The following BRINP2 variants were observed in gnomAD, a reference collection of about 807,000 sequenced individuals.
BRINP2 encodes the protein BMP/retinoic acid-inducible neural-specific protein 2.
In BRINP2, 21 loss-of-function variants were observed where a neutral mutation model predicts 69.2. That is an observed-to-expected ratio of 0.30 (90% CI 0.22 to 0.44). BRINP2 has a LOEUF of 0.44. BRINP2 is among the 20% of genes least tolerant of loss of function. BRINP2 has a pLI of 1.00. For missense variants in BRINP2, 877 were observed against 986.0 expected, an observed-to-expected ratio of 0.89 and a Z score of 1.48; for synonymous variants, 380 against 394.1, an observed-to-expected ratio of 0.96 and a Z score of 0.42.
At chr1:177,224,570 T>A (rs973649008) in intron 1 of BRINP2, among the ~76,000 whole-genome samples, 2 of 151,970 alleles carry the variant, frequency 1.3e-5, no homozygotes, top group Non-Finnish European at 2.9e-5. Context: ...GGGAGCCAAC[T>A]TGTAAGTGGC....
chr1:177,200,658 T>C (rs543931514), intron 1 of BRINP2, among the ~76,000 whole-genome samples: 1 of 152,304 alleles, frequency 6.6e-6, no homozygotes, highest in East Asian at 1.9e-4. Flanking sequence ...ACCTATTTCT[T>C]GAGTACTCTA....
At chr1:177,265,581 T>C (rs984393790) in intron 4 of BRINP2, among the ~76,000 whole-genome samples, 5 of 152,198 alleles carry the variant, frequency 3.3e-5, no homozygotes, top group Non-Finnish European at 7.3e-5. Flanking sequence ...TATTGCTCCC[T>C]GCCTAAAATG....
chr1:177,182,727 A>G (rs1648298287), intron 1 of BRINP2, among the ~76,000 whole-genome samples: 1 of 152,216 alleles, frequency 6.6e-6, no homozygotes, highest in African/African-American at 2.4e-5. Context: ...ACTTGGGTTC[A>G]AGTCTTTGGC....
chr1:177,172,253 AC>A (rs1483036127), intron 1 of BRINP2, among the ~76,000 whole-genome samples: 1 of 152,094 alleles, frequency 6.6e-6, no homozygotes. Flanking sequence ...CAAACAGTGA[AC>A]CCTGTAGGTT....
rs374683598 is a variant in BRINP2, at chr1:177,214,584, T to C, written c.-76-15217T>C. ...TTCCTGAATGCCAAGTACCCTTCATTTGGCACCAACACCAGGAGTGGGGAT... is the reference window on the plus strand; with the variant it reads ...TTCCTGAATGCCAAGTACCCTTCATCTGGCACCAACACCAGGAGTGGGGAT... On this transcript the variant is annotated intron_variant, in intron 1 of 7. Transcript: ENST00000361539. 2.8e-4 allele frequency among the ~76,000 whole-genome samples: 43 copies of C among 152,276 alleles called. 1 individual carries two copies. The South Asian group carries it at 7.7e-3, about 27-fold the overall frequency.
intron 4 of BRINP2, among the ~76,000 whole-genome samples, chr1:177,266,916 C>T (rs1375197825): frequency 6.6e-6 from 1 of 152,112 alleles, no homozygotes; most frequent in African/African-American, 2.4e-5. Flanking sequence ...TGTATGTCAG[C>T]TAACATGATG....
At chr1:177,278,873 G>C (rs1651600091) in intron 7 of BRINP2, 88 bp downstream of exon 7, 1 of 1,304,690 alleles carries the variant, frequency 7.7e-7, no homozygotes, top group Non-Finnish European at 1.1e-6. Flanking sequence ...CCAATGTAGG[G>C]GATCAGGGAG....
chr1:177,255,095 A>C (rs2102345616), intron 2 of BRINP2, among the ~76,000 whole-genome samples: 1 of 152,356 alleles, frequency 6.6e-6, no homozygotes, highest in African/African-American at 2.4e-5. Context: ...CTAACCTTTA[A>C]GAAACTACCA....
intron 2 of BRINP2, among the ~76,000 whole-genome samples, chr1:177,235,000 A>T (rs974699415): frequency 1.3e-5 from 2 of 152,208 alleles, no homozygotes; most frequent in Non-Finnish European, 2.9e-5. Context: ...ATCAGGATAA[A>T]CAATAAGACT....
chr1:177,254,845 C>T (rs771233792), intron 2 of BRINP2, among the ~76,000 whole-genome samples: 7 of 152,092 alleles, frequency 4.6e-5, no homozygotes, highest in African/African-American at 1.2e-4. Context: ...TATTTAAAGA[C>T]GTTGAAGAGA....
chr1:177,259,207 G>C (rs1362740900), intron 4 of BRINP2, among the ~76,000 whole-genome samples: 2 of 152,152 alleles, frequency 1.3e-5, no homozygotes, highest in African/African-American at 4.8e-5. Context: ...AAGTTTGAGT[G>C]GTCTGGATAG....
chr1:177,240,011 G>A (rs915776940), intron 2 of BRINP2, among the ~76,000 whole-genome samples: 3 of 152,228 alleles, frequency 2.0e-5, no homozygotes, highest in African/African-American at 7.2e-5. Flanking sequence ...ATCAGAGTGA[G>A]TAAGAAGTCT....
chr1:177,280,106 G>A (rs1651642024), intron 7 of BRINP2, among the ~76,000 whole-genome samples: 1 of 152,164 alleles, frequency 6.6e-6, no homozygotes, highest in Non-Finnish European at 1.5e-5. Context: ...CACAAAAGAT[G>A]CTGGAGATCC....
At chr1:177,175,160 G>A (rs1430648620) in intron 1 of BRINP2, among the ~76,000 whole-genome samples, 4 of 152,228 alleles carry the variant, frequency 2.6e-5, no homozygotes, top group Non-Finnish European at 4.4e-5. Flanking sequence ...TTAGCAGCGA[G>A]CAGGAGATTT....
At chr1:177,198,908 G>T (rs1648823206) in intron 1 of BRINP2, among the ~76,000 whole-genome samples, 1 of 152,136 alleles carries the variant, frequency 6.6e-6, no homozygotes, top group Non-Finnish European at 1.5e-5. Context: ...ACCTGTCTCA[G>T]TCATTTCTCA....
chr1:177,269,192 C>G (rs1651229160), intron 4 of BRINP2, among the ~76,000 whole-genome samples: 1 of 152,214 alleles, frequency 6.6e-6, no homozygotes, highest in South Asian at 2.1e-4. Context: ...ACTAGGGCTG[C>G]CATCCCTTCT....
chr1:177,211,441 T>A (rs1471518989), intron 1 of BRINP2, among the ~76,000 whole-genome samples: 1 of 152,222 alleles, frequency 6.6e-6, no homozygotes, highest in East Asian at 1.9e-4. Flanking sequence ...ACATTGCACG[T>A]ACTTGTCATG....
intron 2 of BRINP2, among the ~76,000 whole-genome samples, chr1:177,236,684 C>T (rs1161172658): frequency 6.6e-6 from 1 of 152,146 alleles, no homozygotes; most frequent in East Asian, 1.9e-4. Flanking sequence ...CGATGGATGA[C>T]TGGAGACTCC....
rs1649226917 is a variant in BRINP2 at position 177,211,717 on chromosome 1, T to C, written c.-76-18084T>C. Among the ~76,000 whole-genome samples, 5 of 149,346 alleles carry C rather than the reference T, an allele frequency of 3.3e-5. No homozygotes were observed. The South Asian group carries it at 1.0e-3, about 31-fold the overall frequency. ...ACATGATTTTTATTTGGGTTATTAC[T>C]GGTGGTATTAACTGACCACTTGAGT... On this transcript the variant is annotated intron_variant, in intron 1 of 7. Coordinates refer to ENST00000361539, the MANE Select transcript of BRINP2 (RefSeq NM_021165.4).
Sources: allele counts gnomAD v4.1 joint callset (sites outside exome capture counted in the v4.1 genomes callset), GRCh38; gene constraint gnomAD v4.1.1; transcripts MANE v1.5; gene names NCBI Gene and HGNC (gene_info 2026-07-23, HGNC 2026-07-21).